Variants in FBXW8 observed in about 807,000 individuals in gnomAD.
FBXW8 encodes F-box and WD repeat domain containing 8.
Under a neutral mutation model 65.3 loss-of-function variants are expected in FBXW8, and 57 were observed. The ratio of observed to expected loss-of-function variants is 0.87; its 90% CI spans 0.71 to 1.09. The LOEUF is 1.09. Ranked by LOEUF, FBXW8 falls within the 50% of genes least tolerant of loss-of-function variation. The pLI is 0.00. For missense variants in FBXW8, 777 were observed against 814.8 expected, an observed-to-expected ratio of 0.95 and a Z score of 0.57; for synonymous variants, 308 against 330.2, an observed-to-expected ratio of 0.93 and a Z score of 0.73.
intron 4 of FBXW8, among the ~76,000 whole-genome samples, chr12:116,958,052 A>T (rs750922761): frequency 1.3e-5 from 2 of 152,220 alleles, no homozygotes; most frequent in African/African-American, 4.8e-5. Flanking sequence ...CTCTGACTCT[A>T]TTGATTGTGA....
intron 1 of FBXW8, among the ~76,000 whole-genome samples, chr12:116,913,950 C>G (rs1457786502): frequency 6.6e-6 from 1 of 152,100 alleles, no homozygotes; most frequent in African/African-American, 2.4e-5. Flanking sequence ...GAGTAGCATA[C>G]AACTTTTGGG....
intron 5 of FBXW8, among the ~76,000 whole-genome samples, chr12:116,967,457 T>C (rs1237303771): frequency 2.0e-5 from 3 of 152,224 alleles, no homozygotes; most frequent in Non-Finnish European, 4.4e-5. Context: ...TTTGGCTGCT[T>C]TAGGCTTTGA....
In FBXW8 at chr12:116,936,787, G is replaced by A. The variant is rs953443995; in HGVS notation, c.424-8577G>A. Among the ~76,000 whole-genome samples the A allele has an allele frequency of 1.5e-4, 23 of 152,170 alleles. No individual in the cohort carries two copies. The highest frequency in any genetic ancestry group is 4.6e-4 in the Admixed American group (7 of 15,276). The stretch of plus-strand genomic sequence containing the variant: ...GGAGACTGATACGGGGATGTGGTGA[G>A]CAGAAGGATAAGAGGAGGAGAGGAC... On this transcript the variant is annotated intron_variant, in intron 2 of 10. Transcript: ENST00000652555. This position sits in a 1 kb window ranked among gnomAD's most constrained non-coding sequence, Gnocchi z 4.6.
At chr12:117,014,908 T>G (rs1308630347) in intron 8 of FBXW8, among the ~76,000 whole-genome samples, 1 of 152,186 alleles carries the variant, frequency 6.6e-6, no homozygotes, top group Non-Finnish European at 1.5e-5. Flanking sequence ...TTTCCAGCCT[T>G]CAGGGACTCC....
chr12:117,010,550 T>C, intron 8 of FBXW8, 100 bp downstream of exon 8: 1 of 1,524,304 alleles, frequency 6.6e-7, no homozygotes, highest in Non-Finnish European at 9.0e-7. Context: ...ACTCAACAGC[T>C]CTGCCCACCT....
Position 116,964,699 on chromosome 12 carries a change from A to G in FBXW8, c.680A>G (p.Tyr227Cys), listed in dbSNP as rs1242609015. Residue 227 changes from tyrosine (Y) to cysteine (C), a missense_variant and splice_region_variant, in exon 5 of 11, where the codon TAT becomes TGT. Coordinates refer to ENST00000652555, the MANE Select transcript of FBXW8 (RefSeq NM_153348.3). ...HSHDGVVIAG[Y>C]TSGDVRVWDT... The stretch of plus-strand genomic sequence containing the variant: ...CCAAGTGTGTCGTTCTCTTCCAGAT[A>G]TACATCAGGGGATGTGAGAGTGTGG... The G allele has an allele frequency of 2.4e-5, 38 of 1,613,676 alleles. No individual in the cohort carries two copies. Among genetic ancestry groups the G allele is most frequent in the Non-Finnish European group, 3.2e-5 (38 of 1,179,954 alleles).
At position 116,911,381 on chromosome 12, in the gene FBXW8, C is replaced by T. The variant is rs1355775920; in HGVS notation, c.318+26C>T. On this transcript the variant is annotated intron_variant, in intron 1 of 10. Transcript: ENST00000652555. ...GTGAGTGGCCGTCGCCTCCCCCCCG[C>T]CCATGCCTGCGCCGGCCCCCGCCCC... 3 of 1,249,514 alleles carry T rather than the reference C, an allele frequency of 2.4e-6. No homozygotes were observed. The African/African-American group carries it at 4.7e-5, about 19-fold the overall frequency. The allele number at this position is 1,249,514 out of a possible 1,614,324, so 77.4% of individuals were successfully genotyped here. A position where few individuals can be genotyped will look rare whatever the true frequency, so the allele number is the denominator to read the frequency against.
chr12:116,912,112 A>G (rs1272074479), intron 1 of FBXW8, among the ~76,000 whole-genome samples: 6 of 151,890 alleles, frequency 4.0e-5, no homozygotes. Flanking sequence ...TTTGATTTAA[A>G]TTAGGCCCAA....
intron 1 of FBXW8, among the ~76,000 whole-genome samples, chr12:116,916,522 C>T (rs531138467): frequency 6.6e-6 from 1 of 152,214 alleles, no homozygotes; most frequent in South Asian, 2.1e-4. Flanking sequence ...AATGTGGTCC[C>T]AGTGTTGTAA....
chr12:117,005,316 A>C (rs1235922152), intron 7 of FBXW8, among the ~76,000 whole-genome samples: 1 of 152,190 alleles, frequency 6.6e-6, no homozygotes, highest in Non-Finnish European at 1.5e-5. Context: ...AAATGCAGGC[A>C]CTTAGTGAGA....
At chr12:116,930,839 A>C (rs1050836679) in intron 2 of FBXW8, among the ~76,000 whole-genome samples, 13 of 152,016 alleles carry the variant, frequency 8.6e-5, no homozygotes, top group African/African-American at 3.1e-4. Flanking sequence ...ACAGAGCCTC[A>C]CTCTGTTGCC....
chr12:116,966,417 G>C lies in FBXW8; in HGVS notation c.835+1563G>C, dbSNP rs56799610. On this transcript the variant is annotated intron_variant, in intron 5 of 10. Transcript: ENST00000652555. ...ATATTCTTCTACAGATGGGGAAACAGAGGTGCAAAGAAGCCAGGTAGGTTG... is the reference window on the plus strand; with the variant it reads ...ATATTCTTCTACAGATGGGGAAACACAGGTGCAAAGAAGCCAGGTAGGTTG... Among the ~76,000 whole-genome samples, 1,065 of 152,254 alleles carry C rather than the reference G, an allele frequency of 7.0e-3. 12 individuals carry two copies. The highest frequency in any genetic ancestry group is 0.024 in the African/African-American group (1,006 of 41,542).
At chr12:116,958,847 G>A (rs1394038773) in intron 4 of FBXW8, among the ~76,000 whole-genome samples, 1 of 152,220 alleles carries the variant, frequency 6.6e-6, no homozygotes, top group Non-Finnish European at 1.5e-5. Context: ...TACTGCATTT[G>A]TTTTTCTGGT....
At chr12:117,026,854 G>A (rs1307193655) in intron 9 of FBXW8, among the ~76,000 whole-genome samples, 1 of 152,192 alleles carries the variant, frequency 6.6e-6, no homozygotes, top group Non-Finnish European at 1.5e-5. Context: ...CAGAATGAAC[G>A]CAAACCTCTG....
rs987473984 is a variant in FBXW8 at position 117,031,002 on chromosome 12, T to A, written c.*2830T>A. 2 of 152,208 alleles carry A rather than the reference T, an allele frequency of 1.3e-5. No homozygotes were observed. The highest frequency in any genetic ancestry group is 2.9e-5 in the Non-Finnish European group (2 of 68,042). 9.4% of individuals were successfully genotyped at this position (152,208 alleles called of 1,614,324 possible). On this transcript the variant is annotated 3_prime_UTR_variant, in exon 11 of 11. Coordinates refer to ENST00000652555, the MANE Select transcript of FBXW8 (RefSeq NM_153348.3). ...GGGACGCCTCCATCCCCGGCTCCCC[T>A]AAAGGTAGAAGATACTCGAGCATGC...
chr12:116,915,640 C>CTTTTT (rs57687048), intron 1 of FBXW8, among the ~76,000 whole-genome samples: 7 of 77,192 alleles, frequency 9.1e-5, no homozygotes, highest in African/African-American at 3.7e-4. Context: ...CACCTGACTA[C>CTTTTT]TTTTTTTTTT....
In FBXW8 at chr12:116,961,291, G is replaced by C. The variant is rs1192521235; in HGVS notation, c.678-3406G>C. 6.6e-6 allele frequency among the ~76,000 whole-genome samples: 1 copy of C among 152,186 alleles called. No individual in the cohort carries two copies. The highest frequency in any genetic ancestry group is 1.5e-5 in the Non-Finnish European group (1 of 68,034). Reference sequence around the variant, plus strand: ...TGGGATTACAGGCATGAGCCACCGTGCCCGGCCTGTATCTGCACTTTTTAA... The same window carrying C: ...TGGGATTACAGGCATGAGCCACCGTCCCCGGCCTGTATCTGCACTTTTTAA... On this transcript the variant is annotated intron_variant, in intron 4 of 10. Coordinates refer to ENST00000652555, the MANE Select transcript of FBXW8 (RefSeq NM_153348.3). The surrounding 1 kb of genome is among the most constrained non-coding windows in gnomAD (Gnocchi z 4.4).
At chr12:116,975,284 T>C (rs1884857437) in intron 5 of FBXW8, among the ~76,000 whole-genome samples, 1 of 143,922 alleles carries the variant, frequency 6.9e-6, no homozygotes, top group Non-Finnish European at 1.5e-5. Context: ...GGGTGACTTA[T>C]AAACAACAGA....
intron 4 of FBXW8, among the ~76,000 whole-genome samples, chr12:116,963,185 A>G (rs1884090781): frequency 6.6e-6 from 1 of 152,088 alleles, no homozygotes; most frequent in African/African-American, 2.4e-5. Flanking sequence ...AAGTTCTCCA[A>G]CCAAGGAATT....
Sources: gnomAD v4.1 joint callset for allele counts (sites outside exome capture counted in the v4.1 genomes callset) on GRCh38, gnomAD v4.1.1 for gene constraint, Gnocchi (gnomAD v3.1) non-coding constraint, MANE v1.5 for transcripts, NCBI Gene and HGNC (gene_info 2026-07-23, HGNC 2026-07-21) for gene names.